The following ZPLD1 variants were observed in gnomAD, a reference collection of about 807,000 sequenced individuals.
ZPLD1 encodes zona pellucida like domain containing 1.
Under a neutral mutation model 47.2 loss-of-function variants are expected in ZPLD1, and 34 were observed. That is an observed-to-expected ratio of 0.72 (90% confidence interval 0.55 to 0.96). ZPLD1 has a LOEUF of 0.96. Ranked by LOEUF, ZPLD1 falls within the 40% of genes least tolerant of loss-of-function variation. ZPLD1 has a pLI of 0.00. For missense variants in ZPLD1, 512 were observed against 505.8 expected (o/e 1.01, Z -0.12); for synonymous variants, 176 against 186.2 (o/e 0.95, Z 0.45).
chr3:102,448,795 G>T (rs1707295516), intron 3 of ZPLD1, among the ~76,000 whole-genome samples: 1 of 152,180 alleles, frequency 6.6e-6, no homozygotes, highest in Non-Finnish European at 1.5e-5. Flanking sequence ...CTTAAACAGA[G>T]CTGAGGAAAC....
intron 8 of ZPLD1, among the ~76,000 whole-genome samples, chr3:102,419,615 G>A (rs1207573648): frequency 1.3e-5 from 2 of 150,866 alleles, no homozygotes. Context: ...CTATAATAAT[G>A]CAGAGGTAAT....
chr3:102,456,516 A>C (rs902189188), intron 5 of ZPLD1, 142 bp downstream of exon 5: 11 of 700,920 alleles, frequency 1.6e-5, no homozygotes, highest in Admixed American at 1.5e-4. Flanking sequence ...ATTATGTCTA[A>C]TATATTTACC....
At chr3:102,466,688 T>G (rs993304379) in intron 8 of ZPLD1, among the ~76,000 whole-genome samples, 1 of 151,950 alleles carries the variant, frequency 6.6e-6, no homozygotes, top group Non-Finnish European at 1.5e-5. Flanking sequence ...GACATGTAAT[T>G]AGAAGGCATT....
chr3:102,429,682 T>A (rs1367666686), intron 8 of ZPLD1, among the ~76,000 whole-genome samples: 1 of 152,210 alleles, frequency 6.6e-6, no homozygotes, highest in Non-Finnish European at 1.5e-5. Context: ...GCCCTTATTC[T>A]TGAGATGTGT....
intron 3 of ZPLD1, among the ~76,000 whole-genome samples, chr3:102,447,410 G>A (rs921390260): frequency 1.6e-4 from 24 of 151,982 alleles, no homozygotes; most frequent in Admixed American, 9.8e-4. Flanking sequence ...CCAGAATTTC[G>A]TTTCATACAG....
intron 7 of ZPLD1, among the ~76,000 whole-genome samples, chr3:102,414,455 A>G (rs559219866): frequency 8.6e-5 from 13 of 151,952 alleles, no homozygotes; most frequent in Non-Finnish European, 1.8e-4. Flanking sequence ...TTGCGCTTTA[A>G]TAGCCATCAG....
chr3:102,407,103 A>G (rs1706696554), intron 7 of ZPLD1, among the ~76,000 whole-genome samples: 1 of 151,646 alleles, frequency 6.6e-6, no homozygotes, highest in Non-Finnish European at 1.5e-5. Flanking sequence ...CAGCACTCAC[A>G]TGTTAGAGAT....
chr3:102,442,436 C>T (rs1377454826), intron 3 of ZPLD1, among the ~76,000 whole-genome samples: 1 of 151,024 alleles, frequency 6.6e-6, no homozygotes, highest in Non-Finnish European at 1.5e-5. Context: ...TAATAAAATC[C>T]AAATAACGCT....
At chr3:102,440,572 C>T (rs1157211616) in intron 3 of ZPLD1, among the ~76,000 whole-genome samples, 1 of 151,758 alleles carries the variant, frequency 6.6e-6, no homozygotes, top group Non-Finnish European at 1.5e-5. Flanking sequence ...TTCTTTTATT[C>T]AGTAGTAGGA....
At chr3:102,419,976 C>T (rs1178973231) in intron 8 of ZPLD1, among the ~76,000 whole-genome samples, 1 of 149,424 alleles carries the variant, frequency 6.7e-6, no homozygotes, top group African/African-American at 2.5e-5. Context: ...ATCTGGTTTG[C>T]TGTGTTTGTC....
intron 8 of ZPLD1, among the ~76,000 whole-genome samples, chr3:102,428,109 T>C (rs1192042769): frequency 6.6e-6 from 1 of 152,116 alleles, no homozygotes; most frequent in Non-Finnish European, 1.5e-5. Context: ...AAGAGGGAAG[T>C]GCAATTAATA....
intron 6 of ZPLD1, among the ~76,000 whole-genome samples, chr3:102,387,850 C>CTTTTTTTTTTTT (rs1023132648): frequency 3.7e-5 from 3 of 80,626 alleles, no homozygotes; most frequent in African/African-American, 1.5e-4. Context: ...CTGAGAAATT[C>CTTTTTTTTTTTT]TTTTTTTTTT....
chr3:102,448,406 A>T (rs1707290363), intron 3 of ZPLD1, among the ~76,000 whole-genome samples: 2 of 151,554 alleles, frequency 1.3e-5, no homozygotes, highest in East Asian at 3.9e-4. Context: ...GACTGAAAAA[A>T]CTCTCTCTCC....
Position 102,414,770 on chromosome 3 carries a change from C to CA in ZPLD1, c.-156-3282dup, listed in dbSNP as rs199956969. 4.6e-3 allele frequency among the ~76,000 whole-genome samples: 689 copies of CA among 149,264 alleles called. 3 individuals carry two copies. Among genetic ancestry groups the CA allele is most frequent in the Non-Finnish European group, 6.6e-3 (442 of 67,088 alleles). On this transcript the variant is annotated intron_variant, in intron 7 of 17. Coordinates refer to the ZPLD1 transcript ENST00000491959. Reference sequence around the variant, plus strand: ...ATAAGGGGAATTATTTGAAAATACCCAAAAAAAACAAACAGATGTTTAAGT... The same window carrying CA: ...ATAAGGGGAATTATTTGAAAATACCCAAAAAAAAACAAACAGATGTTTAAGT...
chr3:102,390,977 G>T (rs1576121914), intron 6 of ZPLD1, among the ~76,000 whole-genome samples: 1 of 152,060 alleles, frequency 6.6e-6, no homozygotes, highest in Non-Finnish European at 1.5e-5. Flanking sequence ...TCCTTTTTAA[G>T]TTATAGACTA....
In ZPLD1 at chr3:102,463,555, T is replaced by C. The variant is rs79408385; in HGVS notation, c.681-616T>C. 2.3e-4 allele frequency among the ~76,000 whole-genome samples: 35 copies of C among 152,272 alleles called. No individual in the cohort carries two copies. The East Asian group carries it at 5.6e-3, about 24-fold the overall frequency. ...ATTTGGTGCAGATTTTTAAACACTT[T>C]GAGTTCAGGAGAAAGTTCTTACTTT... On this transcript the variant is annotated intron_variant, in intron 7 of 11. Transcript: ENST00000466937.
intron 3 of ZPLD1, among the ~76,000 whole-genome samples, chr3:102,445,157 G>A (rs186665549): frequency 6.6e-6 from 1 of 152,314 alleles, no homozygotes. Context: ...ATGGTTTACA[G>A]AATGAGACAG....
In ZPLD1 at chr3:102,444,059, AAATT is replaced by A. The variant is rs1403953711; in HGVS notation, c.106+5467_106+5470del. Among the ~76,000 whole-genome samples the A allele has an allele frequency of 5.9e-5, 9 of 152,374 alleles. 1 individual carries two copies. The highest frequency in any genetic ancestry group is 1.9e-4 in the African/African-American group (8 of 41,586). On this transcript the variant is annotated intron_variant, in intron 3 of 11. Coordinates refer to ENST00000466937, the MANE Select transcript of ZPLD1 (RefSeq NM_001329788.2). Reference sequence around the variant, plus strand: ...TGCAGTGGAGAAGATAGCAATTAGCAAATTCAATGAGTAATTCAGGGTCCATATT... The same window carrying A: ...TGCAGTGGAGAAGATAGCAATTAGCACAATGAGTAATTCAGGGTCCATATT...
At chr3:102,423,086 A>G (rs909353281) in intron 8 of ZPLD1, among the ~76,000 whole-genome samples, 6 of 152,070 alleles carry the variant, frequency 3.9e-5, no homozygotes, top group Non-Finnish European at 7.4e-5. Context: ...TTGGTCCAAA[A>G]CTTTTCACTT....
Sources: gnomAD v4.1 joint callset for allele counts (sites outside exome capture counted in the v4.1 genomes callset) on GRCh38, gnomAD v4.1.1 for gene constraint, MANE v1.5 for transcripts, NCBI Gene and HGNC (gene_info 2026-07-23, HGNC 2026-07-21) for gene names.